The following GHR variants were observed in gnomAD, a reference collection of about 807,000 sequenced individuals.
GHR encodes the protein growth hormone receptor.
Under a neutral mutation model 67.1 loss-of-function variants are expected in GHR, and 35 were observed. That is an observed-to-expected ratio of 0.52 (90% CI 0.40 to 0.69). The LOEUF is 0.69. GHR is among the 30% of genes least tolerant of loss of function. The pLI is 0.00. For missense variants in GHR, 792 were observed against 764.6 expected, an observed-to-expected ratio of 1.04 and a Z score of -0.42; for synonymous variants, 272 against 269.1, an observed-to-expected ratio of 1.01 and a Z score of -0.10.
intron 2 of GHR, among the ~76,000 whole-genome samples, chr5:42,602,538 T>C (rs1752430196): frequency 6.6e-6 from 1 of 152,204 alleles, no homozygotes; most frequent in African/African-American, 2.4e-5. Flanking sequence ...AGGGACAGAT[T>C]TAAGCTTGCC....
chr5:42,593,214 C>A (rs114407019), intron 2 of GHR, among the ~76,000 whole-genome samples: 2 of 152,170 alleles, frequency 1.3e-5, no homozygotes, highest in African/African-American at 4.8e-5. Flanking sequence ...CCTTGTGTCA[C>A]GTACTATATC....
chr5:42,584,786 T>TACACACAC (rs35457239), intron 2 of GHR, among the ~76,000 whole-genome samples: 1 of 148,062 alleles, frequency 6.8e-6, no homozygotes, highest in East Asian at 2.0e-4. Flanking sequence ...CTAGAATGTA[T>TACACACAC]ACACACACAC....
Position 42,423,475 on chromosome 5 carries a change from C to T in GHR, c.-492C>T, listed in dbSNP as rs1178057440. On this transcript the variant is annotated 5_prime_UTR_variant, in exon 1 of 10. Coordinates refer to ENST00000230882, the MANE Select transcript of GHR (RefSeq NM_000163.5). ...ACACGCACCAACTCCAGCTCCTCGC[C>T]GGGAAGACTTCATCCCAGCAACTCG... Among the ~76,000 whole-genome samples, 1 of 152,200 alleles carries T rather than the reference C, an allele frequency of 6.6e-6. No homozygotes were observed. The highest frequency in any genetic ancestry group is 2.4e-5 in the African/African-American group (1 of 41,460).
intron 2 of GHR, among the ~76,000 whole-genome samples, chr5:42,605,244 C>T (rs1287986083): frequency 6.6e-6 from 1 of 151,826 alleles, no homozygotes; most frequent in Non-Finnish European, 1.5e-5. Context: ...GCTGGGATTA[C>T]AGGCATGCAC....
intron 3 of GHR, among the ~76,000 whole-genome samples, chr5:42,657,188 A>G (rs907119081): frequency 6.6e-6 from 1 of 152,078 alleles, no homozygotes; most frequent in African/African-American, 2.4e-5. Flanking sequence ...TTTTTTCCTC[A>G]TGGAGGCAGC....
chr5:42,510,552 T>G (rs918245954), intron 1 of GHR, among the ~76,000 whole-genome samples: 11 of 152,190 alleles, frequency 7.2e-5, no homozygotes, highest in African/African-American at 1.9e-4. Flanking sequence ...AAATTACGAT[T>G]GGAATAGAAC....
chr5:42,526,045 G>T (rs1747692774), intron 1 of GHR, among the ~76,000 whole-genome samples: 1 of 152,140 alleles, frequency 6.6e-6, no homozygotes, highest in Admixed American at 6.5e-5. Flanking sequence ...AATTAATTAA[G>T]CTTAGTGAGG....
intron 6 of GHR, among the ~76,000 whole-genome samples, chr5:42,707,044 A>T (rs543853937): frequency 6.6e-6 from 1 of 151,742 alleles, no homozygotes; most frequent in South Asian, 2.1e-4. Context: ...CATTTGCGTT[A>T]TCTGTCATTT....
At chr5:42,712,444 T>C (rs188977651) in intron 7 of GHR, among the ~76,000 whole-genome samples, 16 of 152,280 alleles carry the variant, frequency 1.1e-4, no homozygotes, top group Admixed American at 7.2e-4. Flanking sequence ...TCTAACTTTA[T>C]GTTATTTTCC....
chr5:42,567,423 C>G (rs1750003798), intron 2 of GHR, among the ~76,000 whole-genome samples: 1 of 152,160 alleles, frequency 6.6e-6, no homozygotes. Context: ...GAAAACATCA[C>G]TAGTTGCTTT....
In GHR at chr5:42,470,187, CTATTA is replaced by C. The variant is rs1011577643; in HGVS notation, c.-12+46241_-12+46245del. ...ATAAGATATAATTATATATTATATA[CTATTA>C]TATTATATCTATAACATAATATATT... On this transcript the variant is annotated intron_variant, in intron 1 of 9. Transcript: ENST00000230882. Among the ~76,000 whole-genome samples, 73 of 138,736 alleles carry C rather than the reference CTATTA, an allele frequency of 5.3e-4. 1 individual carries two copies. Among genetic ancestry groups the C allele is most frequent in the Admixed American group, 3.4e-3 (47 of 13,894 alleles). 91.0% of individuals were successfully genotyped at this position (138,736 alleles called of 152,430 possible).
At chr5:42,598,968 T>C (rs1371530650) in intron 2 of GHR, among the ~76,000 whole-genome samples, 1 of 152,250 alleles carries the variant, frequency 6.6e-6, no homozygotes, top group Non-Finnish European at 1.5e-5. Context: ...AAAGCATCTA[T>C]AGGCTGGAGC....
intron 1 of GHR, chr5:42,468,453 T>G (rs981668654): frequency 5.6e-6 from 5 of 885,768 alleles, no homozygotes; most frequent in Non-Finnish European, 5.2e-6. Context: ...ATTGCCTACG[T>G]GCGCAGCTGA....
At chr5:42,646,522 G>A (rs1754736936) in intron 3 of GHR, among the ~76,000 whole-genome samples, 1 of 152,086 alleles carries the variant, frequency 6.6e-6, no homozygotes, top group Non-Finnish European at 1.5e-5. Flanking sequence ...GTTCCATGGG[G>A]ACAGAAATGT....
chr5:42,575,766 T>A (rs1168144900), intron 2 of GHR, among the ~76,000 whole-genome samples: 1 of 149,390 alleles, frequency 6.7e-6, no homozygotes, highest in Non-Finnish European at 1.5e-5. Context: ...CTGGGCGCGA[T>A]GGCTCATGCC....
At chr5:42,574,005 C>T (rs1381413985) in intron 2 of GHR, among the ~76,000 whole-genome samples, 1 of 152,168 alleles carries the variant, frequency 6.6e-6, no homozygotes, top group Non-Finnish European at 1.5e-5. Flanking sequence ...TTTCCAGAGC[C>T]TTGGCTCTCC....
intron 2 of GHR, among the ~76,000 whole-genome samples, chr5:42,583,045 C>T (rs1751273526): frequency 6.6e-6 from 1 of 152,180 alleles, no homozygotes; most frequent in Non-Finnish European, 1.5e-5. Context: ...AGAACAAGCC[C>T]ATTGGGCCCG....
rs1465731265 is a variant in GHR, at chr5:42,424,799, C to T, written c.-12+844C>T. Among the ~76,000 whole-genome samples the T allele has an allele frequency of 1.3e-5, 2 of 152,134 alleles. No individual in the cohort carries two copies. The highest frequency in any genetic ancestry group is 2.9e-5 in the Non-Finnish European group (2 of 68,022). On this transcript the variant is annotated intron_variant, in intron 1 of 9. Coordinates refer to ENST00000230882, the MANE Select transcript of GHR (RefSeq NM_000163.5). This position sits in a 1 kb window ranked among gnomAD's most constrained non-coding sequence, Gnocchi z 4.1. ...AGTGCGTGGGGAAGTCTATTTGGGG[C>T]GAGTGCTTTATATATAGCCCGAGGG...
intron 5 of GHR, among the ~76,000 whole-genome samples, chr5:42,699,020 T>C (rs1040789337): frequency 3.9e-5 from 6 of 152,194 alleles, no homozygotes; most frequent in African/African-American, 1.4e-4. Flanking sequence ...AGGAAAACAA[T>C]GTTTCAAGTT....
Sources: allele counts gnomAD v4.1 joint callset (sites outside exome capture counted in the v4.1 genomes callset), GRCh38; gene constraint gnomAD v4.1.1; non-coding constraint Gnocchi (gnomAD v3.1); transcripts MANE v1.5; gene names NCBI Gene and HGNC (gene_info 2026-07-23, HGNC 2026-07-21).